The following HIBCH variants were observed in gnomAD, a reference collection of about 807,000 sequenced individuals.
The protein encoded by HIBCH is 3-hydroxyisobutyryl-CoA hydrolase, mitochondrial.
In HIBCH, 50 loss-of-function variants were observed where a neutral mutation model predicts 58.2. The observed-to-expected ratio is 0.86, with a 90% CI of 0.68 to 1.09. The LOEUF (loss-of-function observed/expected upper bound fraction) is 1.09, where lower values mean the gene tolerates loss of function less well. HIBCH is among the 50% of genes least tolerant of loss of function. The probability of loss-of-function intolerance (pLI) is 0.00; values close to 1 mark genes in which losing one functional copy is unlikely to be tolerated. For synonymous variants in HIBCH, 151 were observed against 146.9 expected (o/e 1.03, Z -0.20); for missense variants, 450 against 449.7 (o/e 1.00, Z -0.01).
intron 11 of HIBCH, among the ~76,000 whole-genome samples, chr2:190,231,397 G>A (rs986868971): frequency 2.0e-5 from 3 of 152,124 alleles, no homozygotes; most frequent in Non-Finnish European, 2.9e-5. Flanking sequence ...AAAAATTACT[G>A]TAATTTACAT....
chr2:190,277,745 G>A (rs1687594066), intron 6 of HIBCH, among the ~76,000 whole-genome samples: 1 of 152,154 alleles, frequency 6.6e-6, no homozygotes, highest in Non-Finnish European at 1.5e-5. Context: ...CACCCACAGA[G>A]AGTAAATATC....
intron 4 of HIBCH, among the ~76,000 whole-genome samples, chr2:190,293,212 G>C (rs1687999714): frequency 6.6e-6 from 1 of 152,192 alleles, no homozygotes; most frequent in Non-Finnish European, 1.5e-5. Flanking sequence ...ATGTTGTTGG[G>C]AGGCCGAGGC....
Position 190,204,832 on chromosome 2 carries a change from G to T in HIBCH, c.*285C>A. 1 of 320,790 alleles carries T rather than the reference G, an allele frequency of 3.1e-6. No individual in the cohort carries two copies. Among genetic ancestry groups the T allele is most frequent in the Non-Finnish European group, 5.8e-6 (1 of 171,936 alleles). 19.9% of individuals were successfully genotyped at this position (320,790 alleles called of 1,614,324 possible). A position where few individuals can be genotyped will look rare whatever the true frequency, so the allele number is the denominator to read the frequency against. ...CAAAAACCAGACAGTAAATAATTAGGCTTTGTAGGCTTTACCATCTCTATT... is the reference window on the plus strand; with the variant it reads ...CAAAAACCAGACAGTAAATAATTAGTCTTTGTAGGCTTTACCATCTCTATT... On this transcript the variant is annotated 3_prime_UTR_variant, in exon 14 of 14. Coordinates refer to ENST00000359678, the MANE Select transcript of HIBCH (RefSeq NM_014362.4).
intron 6 of HIBCH, among the ~76,000 whole-genome samples, chr2:190,277,323 A>T (rs965264147): frequency 1.3e-5 from 2 of 152,230 alleles, no homozygotes; most frequent in Admixed American, 1.3e-4. Context: ...GGTGGGTAAC[A>T]AGAGAAAATA....
downstream of HIBCH, chr2:190,199,577 T>A: frequency 4.7e-6 from 2 of 424,318 alleles, no homozygotes; most frequent in Non-Finnish European, 7.5e-6. Context: ...TAAAGCTGTT[T>A]GTTTTTACCT....
At chr2:190,318,919 ATTC>A (rs1324170822) in intron 1 of HIBCH, among the ~76,000 whole-genome samples, 2 of 152,198 alleles carry the variant, frequency 1.3e-5, no homozygotes, top group Non-Finnish European at 2.9e-5. Flanking sequence ...CCCTGAAACT[ATTC>A]TTCTTAAGTC....
intron 1 of HIBCH, among the ~76,000 whole-genome samples, chr2:190,195,003 C>T (rs1369752751): frequency 2.0e-5 from 3 of 152,054 alleles, no homozygotes; most frequent in East Asian, 3.9e-4. Flanking sequence ...TGTAGGTGTG[C>T]ACCACCATGC....
intron 6 of HIBCH, among the ~76,000 whole-genome samples, chr2:190,276,273 A>G (rs1487266308): frequency 1.3e-5 from 2 of 152,190 alleles, no homozygotes; most frequent in Non-Finnish European, 2.9e-5. Context: ...CTCCTCATAC[A>G]CTATGTAAAT....
At chr2:190,313,210 T>G (rs547646838) in intron 1 of HIBCH, among the ~76,000 whole-genome samples, 1 of 148,346 alleles carries the variant, frequency 6.7e-6, no homozygotes, top group African/African-American at 2.5e-5. Context: ...CTCACGGGCA[T>G]GTTCGAGCTC....
chr2:190,211,704 T>A lies in HIBCH; in HGVS notation c.1011+1252A>T, dbSNP rs1371580060. On this transcript the variant is annotated intron_variant, in intron 12 of 13. Coordinates refer to ENST00000359678, the MANE Select transcript of HIBCH (RefSeq NM_014362.4). This position sits in a 1 kb window ranked among gnomAD's most constrained non-coding sequence, Gnocchi z 5.0. ...TATCACCAACCCTGTATGTTTTCCTTTAGAGTACTTATCACAATTTATAAT... is the reference window on the plus strand; with the variant it reads ...TATCACCAACCCTGTATGTTTTCCTATAGAGTACTTATCACAATTTATAAT... Among the ~76,000 whole-genome samples the A allele has an allele frequency of 6.6e-6, 1 of 152,186 alleles. No individual in the cohort carries two copies. Among genetic ancestry groups the A allele is most frequent in the African/African-American group, 2.4e-5 (1 of 41,452 alleles).
rs745386659 is a variant in HIBCH at position 190,249,741 on chromosome 2, GA to G, written c.664-16del. ...AACATGGCCAACTAAAGGGGAGGCA[GA>G]AAAAAAGGAAAGATCTTAGATCCAA... On this transcript the variant is annotated splice_polypyrimidine_tract_variant and intron_variant, in intron 8 of 13. Coordinates refer to ENST00000359678, the MANE Select transcript of HIBCH (RefSeq NM_014362.4). The G allele has an allele frequency of 6.8e-6, 10 of 1,464,552 alleles. No homozygotes were observed. The highest frequency in any genetic ancestry group is 8.6e-6 in the Non-Finnish European group (9 of 1,046,340). 90.7% of individuals were successfully genotyped at this position (1,464,552 alleles called of 1,614,324 possible).
intron 8 of HIBCH, 71 bp downstream of exon 8, chr2:190,252,091 A>G (rs1575726063): frequency 6.9e-7 from 1 of 1,453,928 alleles, no homozygotes; most frequent in Non-Finnish European, 9.7e-7. Flanking sequence ...TCAACCACCC[A>G]TTGTACCTTC....
At chr2:190,193,345 CT>C (rs1438096228) in intron 1 of HIBCH, among the ~76,000 whole-genome samples, 205 of 152,146 alleles carry the variant, frequency 1.3e-3, no homozygotes, top group African/African-American at 4.8e-3. Flanking sequence ...AATTTGCCAA[CT>C]TCTGGGTCTA....
chr2:190,235,153 C>T (rs1266966858), intron 11 of HIBCH, among the ~76,000 whole-genome samples: 1 of 152,192 alleles, frequency 6.6e-6, no homozygotes, highest in Non-Finnish European at 1.5e-5. Flanking sequence ...AAAGGCAGTG[C>T]CTGAGCTTCT....
In HIBCH at chr2:190,304,189, T is replaced by C. The variant is rs1688342512; in HGVS notation, c.78+6565A>G. ...ATAAAGTCTGGAGTTAACAGTAATA[T>C]ACAAATTGCCTTAGTTAAGTTTCTG... On this transcript the variant is annotated intron_variant, in intron 2 of 13. Coordinates refer to ENST00000359678, the MANE Select transcript of HIBCH (RefSeq NM_014362.4). This position sits in a 1 kb window ranked among gnomAD's most constrained non-coding sequence, Gnocchi z 4.1. Among the ~76,000 whole-genome samples the C allele has an allele frequency of 6.6e-6, 1 of 151,538 alleles. No homozygotes were observed. The highest frequency in any genetic ancestry group is 1.5e-5 in the Non-Finnish European group (1 of 67,922).
chr2:190,268,340 C>T (rs1687298584), intron 6 of HIBCH, among the ~76,000 whole-genome samples: 1 of 152,182 alleles, frequency 6.6e-6, no homozygotes, highest in African/African-American at 2.4e-5. Context: ...TATTATTAAA[C>T]AATCATCTTC....
intron 6 of HIBCH, among the ~76,000 whole-genome samples, chr2:190,267,431 A>C (rs189177042): frequency 4.6e-5 from 7 of 152,242 alleles, no homozygotes; most frequent in Admixed American, 1.3e-4. Context: ...GCCTGACCTT[A>C]GGTTATTCAT....
intron 6 of HIBCH, among the ~76,000 whole-genome samples, chr2:190,278,913 A>G (rs966263299): frequency 1.3e-5 from 2 of 152,234 alleles, no homozygotes; most frequent in East Asian, 1.9e-4. Context: ...TTCAGAAGCT[A>G]GAGTTCATAA....
At position 190,256,453 on chromosome 2, in the gene HIBCH, A is replaced by T. The variant is rs901419266; in HGVS notation, c.518-4146T>A. On this transcript the variant is annotated intron_variant, in intron 7 of 13. Transcript: ENST00000359678. ...ACTGCTCCAATTCTGCAAAAAAAAA[A>T]AAAAATAATAATAATAAATCTTACA... Among the ~76,000 whole-genome samples the T allele has an allele frequency of 2.4e-4, 35 of 147,708 alleles. 1 individual carries two copies. Among genetic ancestry groups the T allele is most frequent in the African/African-American group, 4.3e-4 (16 of 37,568 alleles).
Sources: allele counts gnomAD v4.1 joint callset (sites outside exome capture counted in the v4.1 genomes callset), GRCh38; gene constraint gnomAD v4.1.1; non-coding constraint Gnocchi (gnomAD v3.1); transcripts MANE v1.5; gene names NCBI Gene and HGNC (gene_info 2026-07-23, HGNC 2026-07-21).